Variants in ZNF662 observed in about 807,000 individuals in gnomAD.
ZNF662 encodes the protein zinc finger protein 662.
Under a neutral mutation model 12.4 loss-of-function variants are expected in ZNF662, and 14 were observed. The ratio of observed to expected loss-of-function variants is 1.13; its 90% CI spans 0.75 to 1.77. The LOEUF (loss-of-function observed/expected upper bound fraction) is 1.77, where lower values mean the gene tolerates loss of function less well. Among genes scored for constraint, ZNF662 ranks in the 40% most tolerant of loss-of-function variants. The pLI is 0.00. For synonymous variants in ZNF662, 184 were observed against 176.4 expected, an observed-to-expected ratio of 1.04 and a Z score of -0.34; for missense variants, 550 against 515.6, an observed-to-expected ratio of 1.07 and a Z score of -0.65.
chr3:42,907,883 T>C, intron 1 of ZNF662, 139 bp from the exon 2 acceptor site: 1 of 1,393,736 alleles, frequency 7.2e-7, no homozygotes, highest in Non-Finnish European at 9.4e-7. Context: ...AAAAATCTTC[T>C]GCTGATAGAG....
chr3:42,907,546 G>C (rs2088700550), intron 1 of ZNF662: 3 of 389,606 alleles, frequency 7.7e-6, no homozygotes, highest in Non-Finnish European at 1.1e-5. Flanking sequence ...TGGAACTTTG[G>C]GGGAAGTTAA....
chr3:42,910,134 C>T lies in ZNF662; in HGVS notation c.151+1225C>T, dbSNP rs368376140. ...GGGAGGCCAAGGCTGGCAGATCACT[C>T]GCAGTCAGGAGCTGGAGACCAGCCC... On this transcript the variant is annotated intron_variant, in intron 3 of 4. Transcript: ENST00000440367. Among the ~76,000 whole-genome samples, 48 of 152,268 alleles carry T rather than the reference C, an allele frequency of 3.2e-4. No individual in the cohort carries two copies. The South Asian group carries it at 3.3e-3, about 11-fold the overall frequency.
intron 3 of ZNF662, among the ~76,000 whole-genome samples, chr3:42,911,692 G>A (rs2088793014): frequency 6.6e-6 from 1 of 151,414 alleles, no homozygotes. Context: ...GGTTTTGGAT[G>A]AAGGTTACAA....
rs116259740 is a variant in ZNF662 at position 42,913,285 on chromosome 3, C to G, written c.236C>G (p.Pro79Arg). 296 of 1,613,732 alleles carry G rather than the reference C, an allele frequency of 1.8e-4. No individual in the cohort carries two copies. The African/African-American group carries it at 3.6e-3, about 20-fold the overall frequency. ...PLNLKLQGEG[P>R]SLICPEGVLK... Reference sequence around the variant, plus strand: ...AACCTGAAACTGCAAGGAGAGGGTCCAAGCCTGATTTGTCCGGGTAAGTGA... The same window carrying G: ...AACCTGAAACTGCAAGGAGAGGGTCGAAGCCTGATTTGTCCGGGTAAGTGA... Residue 79 changes from proline (P) to arginine (R), a missense_variant, in exon 4 of 5, where the codon CCA (proline) becomes CGA (arginine). Pro to Arg is a moderately radical substitution (Grantham distance 103). Transcript: ENST00000440367.
In ZNF662 at chr3:42,917,936, G is replaced by A. The variant is rs538309371; in HGVS notation, c.*2582G>A. ...AGCCTGACCAACATAGAGAGACCCCGTCTCTACTAAAAATACAAAATTAGC... is the reference window on the plus strand; with the variant it reads ...AGCCTGACCAACATAGAGAGACCCCATCTCTACTAAAAATACAAAATTAGC... On this transcript the variant is annotated 3_prime_UTR_variant, in exon 5 of 5. Coordinates refer to ENST00000440367, the MANE Select transcript of ZNF662 (RefSeq NM_207404.4). 2.4e-4 allele frequency among the ~76,000 whole-genome samples: 37 copies of A among 152,256 alleles called. No homozygotes were observed. Among genetic ancestry groups the A allele is most frequent in the Middle Eastern group, 3.4e-3 (1 of 294 alleles).
intron 3 of ZNF662, among the ~76,000 whole-genome samples, chr3:42,909,757 C>T (rs1045340967): frequency 2.0e-5 from 3 of 148,056 alleles, no homozygotes; most frequent in Admixed American, 6.6e-5. Context: ...TCAGACGGGG[C>T]GGCCAGTCAG....
At position 42,913,646 on chromosome 3, in the gene ZNF662, T is replaced by C. The variant is rs542108419; in HGVS notation, c.253+344T>C. 6.6e-5 allele frequency among the ~76,000 whole-genome samples: 10 copies of C among 152,316 alleles called. No homozygotes were observed. In the South Asian group the frequency reaches 1.7e-3, roughly 25 times the overall value. ...TAGAGATAAAAAAAATCAAGTCATA[T>C]ATGGCCCTTATCCTGGAAGGACTCA... is the stretch of plus-strand genomic sequence containing the variant. On this transcript the variant is annotated intron_variant, in intron 4 of 4. Coordinates refer to ENST00000440367, the MANE Select transcript of ZNF662 (RefSeq NM_207404.4).
intron 3 of ZNF662, among the ~76,000 whole-genome samples, chr3:42,909,798 G>A (rs995698768): frequency 3.3e-5 from 5 of 150,610 alleles, no homozygotes; most frequent in Admixed American, 6.6e-5. Flanking sequence ...ATGGCGTGGC[G>A]GCGGGGCAGA....
rs913697742 is a variant in ZNF662, at chr3:42,906,560, G to A, written c.-94+392G>A. 3 of 888,840 alleles carry A rather than the reference G, an allele frequency of 3.4e-6. No homozygotes were observed. The Admixed American group carries it at 1.1e-4, about 32-fold the overall frequency. 55.1% of individuals were successfully genotyped at this position (888,840 alleles called of 1,614,324 possible). ...ACAACCCAGAGTGAGGGGCCTCGAGGGACAGGCAGCACAGCGGAGTCGACA... is the reference window on the plus strand; with the variant it reads ...ACAACCCAGAGTGAGGGGCCTCGAGAGACAGGCAGCACAGCGGAGTCGACA... On this transcript the variant is annotated intron_variant, in intron 1 of 4. Coordinates refer to ENST00000440367, the MANE Select transcript of ZNF662 (RefSeq NM_207404.4). This position sits in a 1 kb window ranked among gnomAD's most constrained non-coding sequence, Gnocchi z 4.4.
intron 1 of ZNF662, 84 bp from the exon 2 acceptor site, chr3:42,907,938 C>G: frequency 6.5e-7 from 1 of 1,547,980 alleles, no homozygotes; most frequent in Non-Finnish European, 8.7e-7. Context: ...GGCACCCCCA[C>G]AGTACCTTTT....
At chr3:42,912,786 CTGGAGAG>C in intron 3 of ZNF662, among the ~76,000 whole-genome samples, 1 of 135,292 alleles carries the variant, frequency 7.4e-6, no homozygotes, top group Middle Eastern at 3.9e-3. Flanking sequence ...GTCGCCCAGG[CTGGAGAG>C]CAGTGACACA....
Position 42,906,440 on chromosome 3 carries a change from G to A in ZNF662, c.-94+272G>A, listed in dbSNP as rs2088679978. The A allele has an allele frequency of 6.9e-7, 1 of 1,456,498 alleles. No homozygotes were observed. The highest frequency in any genetic ancestry group is 9.0e-7 in the Non-Finnish European group (1 of 1,109,558). 90.2% of individuals were successfully genotyped at this position (1,456,498 alleles called of 1,614,324 possible). On this transcript the variant is annotated intron_variant, in intron 1 of 4. Transcript: ENST00000440367. This position sits in a 1 kb window ranked among gnomAD's most constrained non-coding sequence, Gnocchi z 4.4. ...CAGCCCGCGCTGCCCCGGGCGCGCCGGGTGAGTGCGGGGCCGGAGCCTGGA... is the reference window on the plus strand; with the variant it reads ...CAGCCCGCGCTGCCCCGGGCGCGCCAGGTGAGTGCGGGGCCGGAGCCTGGA...
intron 3 of ZNF662, among the ~76,000 whole-genome samples, chr3:42,912,489 A>T: frequency 3.0e-5 from 1 of 32,856 alleles, no homozygotes; most frequent in African/African-American, 9.4e-5. Context: ...TATATTTAAT[A>T]TATATTTATA....
chr3:42,913,125 T>G lies in ZNF662; in HGVS notation c.152-76T>G, dbSNP rs2088850696. On this transcript the variant is annotated intron_variant, in intron 3 of 4. Transcript: ENST00000440367. ...CCCACCTTTATTCTCTCCCTACCAC[T>G]TCCATGTCTGCTCTTTTCCTGATGG... The G allele has an allele frequency of 2.9e-6, 3 of 1,042,348 alleles. No homozygotes were observed. In the Admixed American group the frequency reaches 5.4e-5, roughly 19 times the overall value. The allele number at this position is 1,042,348 out of a possible 1,614,324, so 64.6% of individuals were successfully genotyped here. A position where few individuals can be genotyped will look rare whatever the true frequency, so the allele number is the denominator to read the frequency against.
In ZNF662 at chr3:42,917,510, G is replaced by C; in HGVS notation, c.*2156G>C. 1 of 702,818 alleles carries C rather than the reference G, an allele frequency of 1.4e-6. No individual in the cohort carries two copies. The highest frequency in any genetic ancestry group is 2.7e-5 in the East Asian group (1 of 37,276). 43.5% of individuals were successfully genotyped at this position (702,818 alleles called of 1,614,324 possible). On this transcript the variant is annotated 3_prime_UTR_variant, in exon 5 of 5. Coordinates refer to ENST00000440367, the MANE Select transcript of ZNF662 (RefSeq NM_207404.4). ...GCCTAAGGATAAAGCCAATACCAAA[G>C]AAAACAGTGACTAAACAGAGAGAAA...
intron 1 of ZNF662, 177 bp from the exon 2 acceptor site, chr3:42,907,845 A>C (rs1246039487): frequency 1.6e-5 from 16 of 985,316 alleles, no homozygotes; most frequent in Non-Finnish European, 1.9e-5. Context: ...TTGATGGCTG[A>C]TGCCTTGTCT....
rs969500239 is a variant in ZNF662 at position 42,906,181 on chromosome 3, G to A, written c.-94+13G>A. On this transcript the variant is annotated intron_variant, in intron 1 of 4. Coordinates refer to ENST00000440367, the MANE Select transcript of ZNF662 (RefSeq NM_207404.4). This position sits in a 1 kb window ranked among gnomAD's most constrained non-coding sequence, Gnocchi z 4.4. ...TGGGGCCTGGCGGGTGTGGAGCACGGGGAGTCGGGCGTGGGGCGGGCAGGG... is the reference window on the plus strand; with the variant it reads ...TGGGGCCTGGCGGGTGTGGAGCACGAGGAGTCGGGCGTGGGGCGGGCAGGG... 3.9e-5 allele frequency: 23 copies of A among 588,606 alleles called. No individual in the cohort carries two copies. Among genetic ancestry groups the A allele is most frequent in the Middle Eastern group, 4.5e-4 (1 of 2,218 alleles). The allele number at this position is 588,606 out of a possible 1,614,324, so 36.5% of individuals were successfully genotyped here. A position where few individuals can be genotyped will look rare whatever the true frequency, so the allele number is the denominator to read the frequency against.
intron 4 of ZNF662, 32 bp from the exon 5 acceptor site, chr3:42,914,295 A>G: frequency 6.5e-7 from 1 of 1,547,368 alleles, no homozygotes; most frequent in African/African-American, 1.4e-5. Flanking sequence ...ATGGATAATG[A>G]TGACATTTGA....
At position 42,913,322 on chromosome 3, in the gene ZNF662, G is replaced by C. The variant is rs367621155; in HGVS notation, c.253+20G>C. On this transcript the variant is annotated intron_variant, in intron 4 of 4. Transcript: ENST00000440367. ...GTCCGGGTAAGTGAGAGGGAAATGA[G>C]CATTCTTCTCTCAGTCACATCTTTT... 11 of 1,555,460 alleles carry C rather than the reference G, an allele frequency of 7.1e-6. No homozygotes were observed. The highest frequency in any genetic ancestry group is 9.8e-6 in the Non-Finnish European group (11 of 1,127,194).
Sources: gnomAD v4.1 joint callset for allele counts (sites outside exome capture counted in the v4.1 genomes callset) on GRCh38, gnomAD v4.1.1 for gene constraint, Gnocchi (gnomAD v3.1) non-coding constraint, MANE v1.5 for transcripts, NCBI Gene and HGNC (gene_info 2026-07-23, HGNC 2026-07-21) for gene names.